RBPJ: variants seen among roughly 807,000 people sequenced by gnomAD.
RBPJ encodes recombining binding protein suppressor of hairless.
RBPJ carries 9 observed loss-of-function variants against 67.8 expected under a neutral mutation model. That is an observed-to-expected ratio of 0.13 (90% CI 0.08 to 0.23). The LOEUF is 0.23. RBPJ is among the 10% of genes least tolerant of loss of function. The pLI, the probability that RBPJ is intolerant of heterozygous loss-of-function variation, is 1.00. For synonymous variants in RBPJ, 198 were observed against 203.3 expected (o/e 0.97, Z 0.22); for missense variants, 305 against 595.6 (o/e 0.51, Z 5.08).
At chr4:26,192,090 C>A (rs1717577826) in intron 1 of RBPJ, among the ~76,000 whole-genome samples, 1 of 150,946 alleles carries the variant, frequency 6.6e-6, no homozygotes, top group South Asian at 2.1e-4. Flanking sequence ...CTCACTGCAA[C>A]CTCTGCCTCC....
intron 1 of RBPJ, among the ~76,000 whole-genome samples, chr4:26,234,422 C>T (rs1270977236): frequency 2.0e-5 from 3 of 152,102 alleles, no homozygotes; most frequent in Non-Finnish European, 4.4e-5. Context: ...AACATATAAG[C>T]CTGAAAGAAC....
chr4:26,250,769 G>A (rs1055131400), intron 1 of RBPJ, among the ~76,000 whole-genome samples: 3 of 152,200 alleles, frequency 2.0e-5, no homozygotes, highest in Non-Finnish European at 4.4e-5. Flanking sequence ...GTGTGCAAGT[G>A]TCTGTTTGGG....
chr4:26,428,520 T>G, intron 7 of RBPJ, 200 bp from the exon 8 acceptor site: 2 of 494,332 alleles, frequency 4.0e-6, no homozygotes, highest in South Asian at 3.2e-5. Context: ...AGTTTCTACA[T>G]TCTGACATGC....
intron 1 of RBPJ, among the ~76,000 whole-genome samples, chr4:26,256,960 C>T (rs1720362172): frequency 6.6e-6 from 1 of 152,180 alleles, no homozygotes; most frequent in South Asian, 2.1e-4. Context: ...TTATGAGACC[C>T]TGTAATTACC....
intron 1 of RBPJ, among the ~76,000 whole-genome samples, chr4:26,278,072 G>A (rs1427735795): frequency 6.6e-6 from 1 of 152,136 alleles, no homozygotes; most frequent in African/African-American, 2.4e-5. Flanking sequence ...TAGTATGAAC[G>A]CAAATGCCGT....
chr4:26,314,216 TAATA>T (rs1319046020), intron 1 of RBPJ, among the ~76,000 whole-genome samples: 1 of 152,168 alleles, frequency 6.6e-6, no homozygotes. Flanking sequence ...CTCTGCTTAT[TAATA>T]AATATACTCT....
chr4:26,213,847 C>G (rs1285380691), intron 1 of RBPJ, among the ~76,000 whole-genome samples: 1 of 151,936 alleles, frequency 6.6e-6, no homozygotes, highest in Non-Finnish European at 1.5e-5. Context: ...TCAGTGGATG[C>G]TTGGAGCTGG....
chr4:26,194,841 T>A (rs1717693721), intron 1 of RBPJ, among the ~76,000 whole-genome samples: 1 of 152,210 alleles, frequency 6.6e-6, no homozygotes, highest in Non-Finnish European at 1.5e-5. Flanking sequence ...AAGTCTCTGC[T>A]GCCCTGGTTT....
chr4:26,234,137 C>A (rs565409402), intron 1 of RBPJ, among the ~76,000 whole-genome samples: 2 of 152,250 alleles, frequency 1.3e-5, no homozygotes, highest in African/African-American at 4.8e-5. Context: ...AGAATGTTAA[C>A]CCAGAATGTT....
At chr4:26,291,824 C>T (rs1721680506) in intron 1 of RBPJ, among the ~76,000 whole-genome samples, 1 of 150,744 alleles carries the variant, frequency 6.6e-6, no homozygotes, top group Admixed American at 6.6e-5. Context: ...GATCCACCTG[C>T]CTCGGCCTCC....
upstream of RBPJ, among the ~76,000 whole-genome samples, chr4:26,317,729 T>C (rs180741099): frequency 2.2e-4 from 34 of 152,238 alleles, no homozygotes; most frequent in East Asian, 5.6e-3. Context: ...TTCCGTCCAA[T>C]TGTATCTTGG....
At chr4:26,296,267 C>G (rs1428874564) in intron 1 of RBPJ, among the ~76,000 whole-genome samples, 1 of 152,202 alleles carries the variant, frequency 6.6e-6, no homozygotes, top group Non-Finnish European at 1.5e-5. Flanking sequence ...TTAGTCACAT[C>G]CCTACCTACC....
intron 1 of RBPJ, among the ~76,000 whole-genome samples, chr4:26,263,905 C>T (rs540541154): frequency 6.1e-5 from 9 of 148,020 alleles, no homozygotes; most frequent in South Asian, 4.3e-4. Flanking sequence ...GATAGAGTCT[C>T]GCTCTGTCCC....
upstream of RBPJ, among the ~76,000 whole-genome samples, chr4:26,319,107 G>A (rs960499203): frequency 1.1e-4 from 17 of 151,982 alleles, no homozygotes; most frequent in East Asian, 3.9e-4. Flanking sequence ...GTGACTCAAG[G>A]CATGACTCAA....
chr4:26,192,194 G>A (rs903872011), intron 1 of RBPJ, among the ~76,000 whole-genome samples: 1 of 152,042 alleles, frequency 6.6e-6, no homozygotes, highest in African/African-American at 2.4e-5. Context: ...TTTTAGTAGA[G>A]ACAGGGTTTC....
chr4:26,308,168 C>A (rs953891817), intron 1 of RBPJ, among the ~76,000 whole-genome samples: 15 of 151,916 alleles, frequency 9.9e-5, no homozygotes, highest in African/African-American at 3.6e-4. Context: ...CCCAGCTAGT[C>A]GGGAGGCTGA....
chr4:26,421,131 C>T (rs1161612183), intron 5 of RBPJ, among the ~76,000 whole-genome samples: 1 of 152,140 alleles, frequency 6.6e-6, no homozygotes, highest in East Asian at 1.9e-4. Context: ...ACGCTACCAA[C>T]TAAATGGGCT....
chr4:26,398,425 C>T (rs368297848), intron 2 of RBPJ, among the ~76,000 whole-genome samples: 2 of 152,164 alleles, frequency 1.3e-5, no homozygotes, highest in African/African-American at 2.4e-5. Context: ...AATGTCCTAG[C>T]GGGAGATGTG....
At chr4:26,343,555 G>GTT (rs150586776) in intron 1 of RBPJ, among the ~76,000 whole-genome samples, 19 of 146,462 alleles carry the variant, frequency 1.3e-4, no homozygotes, top group East Asian at 1.2e-3. Flanking sequence ...TTTGTTTATT[G>GTT]TTTTTTTTTT....
Sources: gnomAD v4.1 joint callset for allele counts (sites outside exome capture counted in the v4.1 genomes callset) on GRCh38, gnomAD v4.1.1 for gene constraint, MANE v1.5 for transcripts, NCBI Gene and HGNC (gene_info 2026-07-23, HGNC 2026-07-21) for gene names.